The following PDE1A variants were observed in gnomAD, a reference collection of about 807,000 sequenced individuals.
PDE1A encodes phosphodiesterase 1A.
A neutral mutation model predicts 61.7 loss-of-function variants in PDE1A; 35 were observed. The observed-to-expected ratio is 0.57, with a 90% CI of 0.43 to 0.75. The LOEUF (loss-of-function observed/expected upper bound fraction) is 0.75, where lower values mean the gene tolerates loss of function less well. PDE1A is among the 30% of genes least tolerant of loss of function. The pLI is 0.00. For missense variants in PDE1A, 597 were observed against 630.6 expected, an observed-to-expected ratio of 0.95 and a Z score of 0.57; for synonymous variants, 232 against 213.2, an observed-to-expected ratio of 1.09 and a Z score of -0.77.
chr2:182,360,720 G>GT lies in PDE1A; in HGVS notation c.53+65857dup, dbSNP rs34929129. On this transcript the variant is annotated intron_variant, in intron 1 of 13. Coordinates refer to ENST00000351439, the Ensembl canonical transcript of PDE1A. ...ATCAATCCCACCTGCATTTTTAGAA[G>GT]TTTTTTTTTTCCCCCTATGGTGGAA... Among the ~76,000 whole-genome samples, 108 of 149,202 alleles carry GT rather than the reference G, an allele frequency of 7.2e-4. No homozygotes were observed. In the Middle Eastern group the frequency reaches 0.017, roughly 24 times the overall value.
At chr2:182,238,266 C>CAAAAAAAA (rs3063250) in intron 3 of PDE1A, among the ~76,000 whole-genome samples, 21 of 97,968 alleles carry the variant, frequency 2.1e-4, no homozygotes, top group African/African-American at 2.6e-4. Flanking sequence ...CAGACTACGT[C>CAAAAAAAA]AAAAAAAAAA....
the PDE1A span, among the ~76,000 whole-genome samples, chr2:182,626,717 TTATA>T: frequency 7.9e-4 from 23 of 29,142 alleles, 1 homozygote; most frequent in African/African-American, 1.7e-3. Context: ...ACAAATGGCT[TTATA>T]TATATATATA....
At chr2:182,412,488 T>TAA (rs1702676703) in intron 1 of PDE1A, among the ~76,000 whole-genome samples, 1 of 152,174 alleles carries the variant, frequency 6.6e-6, no homozygotes, top group Non-Finnish European at 1.5e-5. Context: ...TGCCCATACT[T>TAA]CAGTATTACT....
chr2:182,624,974 C>A, the PDE1A span, among the ~76,000 whole-genome samples: 1 of 152,036 alleles, frequency 6.6e-6, no homozygotes, highest in East Asian at 1.9e-4. Context: ...TGTTGAAGCT[C>A]TAATCCCCAG....
At chr2:182,296,662 C>T (rs762672269) in intron 1 of PDE1A, among the ~76,000 whole-genome samples, 11 of 152,176 alleles carry the variant, frequency 7.2e-5, no homozygotes, top group Non-Finnish European at 1.6e-4. Flanking sequence ...AAATCTATCC[C>T]ACCAGCCACT....
Position 182,460,592 on chromosome 2 carries a change from C to T in PDE1A, c.101+61684G>A, listed in dbSNP as rs145839408. Among the ~76,000 whole-genome samples, 361 of 152,100 alleles carry T rather than the reference C, an allele frequency of 2.4e-3. 1 individual carries two copies. The highest frequency in any genetic ancestry group is 4.2e-3 in the Non-Finnish European group (288 of 68,008). On this transcript the variant is annotated intron_variant, in intron 2 of 14. Transcript: ENST00000410103. ...TTGCATTTGCCTTGTTTCCTTTGCT[C>T]GACTAAAGATGACTTTTCTTTCATG...
At chr2:182,659,493 T>C in the PDE1A span, among the ~76,000 whole-genome samples, 9 of 152,338 alleles carry the variant, frequency 5.9e-5, no homozygotes, top group African/African-American at 2.2e-4. Context: ...AGTCATTCTT[T>C]GAAATGAGTT....
chr2:182,187,281 C>A (rs756712138), intron 11 of PDE1A, among the ~76,000 whole-genome samples: 1 of 152,198 alleles, frequency 6.6e-6, no homozygotes, highest in Admixed American at 6.5e-5. Context: ...ATTTAAAGTA[C>A]TCATCAAGAT....
chr2:182,322,892 A>T (rs1696790040), intron 1 of PDE1A, among the ~76,000 whole-genome samples: 1 of 152,218 alleles, frequency 6.6e-6, no homozygotes, highest in African/African-American at 2.4e-5. Context: ...CCCAGAAATA[A>T]AATCAGAGAG....
the PDE1A span, among the ~76,000 whole-genome samples, chr2:182,710,046 A>G: frequency 6.6e-6 from 1 of 151,994 alleles, no homozygotes; most frequent in African/African-American, 2.4e-5. Flanking sequence ...ACAGGCACAC[A>G]CCACCACGCC....
At chr2:182,317,610 G>A (rs936579287) in intron 1 of PDE1A, among the ~76,000 whole-genome samples, 2 of 152,166 alleles carry the variant, frequency 1.3e-5, no homozygotes, top group African/African-American at 4.8e-5. Flanking sequence ...ATAGTGATGT[G>A]TCCGAAAGCC....
At chr2:182,436,676 A>T (rs1488459353) in intron 2 of PDE1A, among the ~76,000 whole-genome samples, 1 of 152,020 alleles carries the variant, frequency 6.6e-6, no homozygotes, top group Non-Finnish European at 1.5e-5. Context: ...TGTGTCAGGT[A>T]CTATACTTTA....
At chr2:182,487,916 C>CA (rs1688120308) in intron 2 of PDE1A, among the ~76,000 whole-genome samples, 1 of 152,126 alleles carries the variant, frequency 6.6e-6, no homozygotes, top group South Asian at 2.1e-4. Flanking sequence ...ATAATATGTT[C>CA]AAAAGGGGTT....
chr2:182,689,744 G>GT, the PDE1A span, among the ~76,000 whole-genome samples: 1 of 152,110 alleles, frequency 6.6e-6, no homozygotes, highest in Non-Finnish European at 1.5e-5. Flanking sequence ...CCAGTAGCTG[G>GT]TTTTTTGAAA....
the PDE1A span, among the ~76,000 whole-genome samples, chr2:182,564,185 G>A: frequency 6.6e-6 from 1 of 152,140 alleles, no homozygotes; most frequent in Non-Finnish European, 1.5e-5. Flanking sequence ...TTTTGCAGTG[G>A]CTGGTACTGG....
the PDE1A span, among the ~76,000 whole-genome samples, chr2:182,697,120 A>G: frequency 1.1e-4 from 17 of 152,184 alleles, no homozygotes; most frequent in Non-Finnish European, 2.4e-4. Context: ...AATTCCCACC[A>G]TGAGAGTCAT....
At position 182,439,992 on chromosome 2, in the gene PDE1A, C is replaced by T. The variant is rs75953908; in HGVS notation, c.101+82284G>A. 9.5e-3 allele frequency among the ~76,000 whole-genome samples: 1,439 copies of T among 152,120 alleles called. 21 individuals carry two copies. Among genetic ancestry groups the T allele is most frequent in the African/African-American group, 0.033 (1,354 of 41,528 alleles). On this transcript the variant is annotated intron_variant, in intron 2 of 14. Transcript: ENST00000410103. ...AATATAAACCAAAAGAAAAGTTGCC[C>T]TAATTGTGTCTTCCTCAGTTGGAAT...
At chr2:182,692,693 T>C in the PDE1A span, among the ~76,000 whole-genome samples, 1 of 148,074 alleles carries the variant, frequency 6.8e-6, no homozygotes. Flanking sequence ...ATATAAAATA[T>C]ATATATGTAA....
chr2:182,490,245 T>C (rs113129248), intron 2 of PDE1A, among the ~76,000 whole-genome samples: 1 of 152,190 alleles, frequency 6.6e-6, no homozygotes, highest in African/African-American at 2.4e-5. Context: ...TTAGAGTGGA[T>C]TCAACATCAG....
Sources: allele counts gnomAD v4.1 joint callset (sites outside exome capture counted in the v4.1 genomes callset), GRCh38; gene constraint gnomAD v4.1.1; transcripts MANE v1.5; gene names NCBI Gene and HGNC (gene_info 2026-07-23, HGNC 2026-07-21).